Variants in ZNF536 observed in about 807,000 individuals in gnomAD.
ZNF536 encodes zinc finger protein 536.
A neutral mutation model predicts 84.5 loss-of-function variants in ZNF536; 13 were observed. The observed-to-expected ratio is 0.15, with a 90% CI of 0.10 to 0.24. The LOEUF is 0.24. Ranked by LOEUF, ZNF536 falls within the 10% of genes least tolerant of loss-of-function variation. The pLI, the probability that ZNF536 is intolerant of heterozygous loss-of-function variation, is 1.00. For missense variants in ZNF536, 1,536 were observed against 1,747.5 expected (o/e 0.88, Z 2.16); for synonymous variants, 811 against 742.5 (o/e 1.09, Z -1.50).
chr19:30,353,632 A>T (rs1600350252), intron 3 of ZNF536, among the ~76,000 whole-genome samples: 1 of 152,228 alleles, frequency 6.6e-6, no homozygotes, highest in South Asian at 2.1e-4. Context: ...CTGTTTGGCT[A>T]GTTCCTTCCA....
exon 2 of ZNF536, chr19:30,712,803 G>A (rs1310314572): frequency 6.6e-6 from 1 of 152,100 alleles, no homozygotes; most frequent in Non-Finnish European, 1.5e-5. Context: ...GGACTGAAAT[G>A]TTATTGAAAA....
chr19:30,288,484 G>C (rs530570584), intron 2 of ZNF536, among the ~76,000 whole-genome samples: 1 of 152,324 alleles, frequency 6.6e-6, no homozygotes, highest in East Asian at 1.9e-4. Flanking sequence ...TCAGTGATAA[G>C]AGTGGTCCAA....
At chr19:30,661,528 A>G (rs1359090018) in intron 1 of ZNF536, among the ~76,000 whole-genome samples, 1 of 152,232 alleles carries the variant, frequency 6.6e-6, no homozygotes, top group African/African-American at 2.4e-5. Flanking sequence ...TAAGTATCAA[A>G]TAGGTATAAA....
intron 2 of ZNF536, among the ~76,000 whole-genome samples, chr19:30,501,428 G>A (rs990921400): frequency 1.4e-4 from 21 of 152,196 alleles, no homozygotes; most frequent in African/African-American, 5.1e-4. Context: ...AATGGAAAAT[G>A]TTGGCTGTTA....
intron 1 of ZNF536, among the ~76,000 whole-genome samples, chr19:30,623,030 T>TC (rs1395688937): frequency 2.9e-5 from 4 of 139,350 alleles, no homozygotes; most frequent in African/African-American, 1.1e-4. Context: ...GTTTTTTTTT[T>TC]TGTTTTTTTG....
In ZNF536 at chr19:30,548,385, G is replaced by A. The variant is rs1332177135; in HGVS notation, c.2766G>A (p.Met922Ile). ...VNFQGSLQAFMDSFVLSSLKK... is the reference protein window; with the variant it reads ...VNFQGSLQAFIDSFVLSSLKK... ...TCCAAGGGTCCTTGCAAGCTTTCAT[G>A]GACAGTTTTGTCCTCAGTTCCTTGA... The change falls in exon 4 of 5, where the codon ATG (methionine) becomes ATA (isoleucine). Residue 922 changes from methionine (M) to isoleucine (I), a missense_variant. Met to Ile is a conservative substitution (Grantham distance 10). Around this residue, in one of 8 missense-constraint regions of ZNF536, gnomAD observed 624 missense variants for 603.1 expected, o/e 1.03. Coordinates refer to ENST00000355537, the MANE Select transcript of ZNF536 (RefSeq NM_014717.3). 1.2e-6 allele frequency: 2 copies of A among 1,614,068 alleles called. No individual in the cohort carries two copies. Among genetic ancestry groups the A allele is most frequent in the Non-Finnish European group, 1.7e-6 (2 of 1,180,020 alleles).
intron 1 of ZNF536, 58 bp from the exon 2 acceptor site, chr19:30,443,503 T>A: frequency 6.7e-7 from 1 of 1,497,466 alleles, no homozygotes; most frequent in Non-Finnish European, 8.9e-7. Flanking sequence ...CCAATGCTGT[T>A]GATTCATGGC....
intron 1 of ZNF536, among the ~76,000 whole-genome samples, chr19:30,264,930 CGTGTGTGTGT>C (rs71333450): frequency 1.5e-5 from 2 of 135,610 alleles, no homozygotes; most frequent in Admixed American, 1.5e-4. Flanking sequence ...TGTCAATAGT[CGTGTGTGTGT>C]GTGTGTGTGT....
chr19:30,276,633 A>C (rs1308961532), intron 1 of ZNF536, among the ~76,000 whole-genome samples: 1 of 152,192 alleles, frequency 6.6e-6, no homozygotes, highest in Non-Finnish European at 1.5e-5. Flanking sequence ...AGCTTTTGTA[A>C]TGTGTGGGTT....
intron 2 of ZNF536, among the ~76,000 whole-genome samples, chr19:30,291,055 A>T (rs1439145410): frequency 1.3e-5 from 2 of 152,172 alleles, no homozygotes; most frequent in Admixed American, 6.5e-5. Flanking sequence ...TCCATGGTGT[A>T]TATGCACCAC....
At chr19:30,339,845 G>A (rs1226668697) in intron 2 of ZNF536, among the ~76,000 whole-genome samples, 1 of 152,290 alleles carries the variant, frequency 6.6e-6, no homozygotes, top group East Asian at 1.9e-4. Flanking sequence ...GCCTTCTTCT[G>A]GAAGCAGGGT....
intron 1 of ZNF536, among the ~76,000 whole-genome samples, chr19:30,432,606 A>G (rs1210590786): frequency 6.6e-6 from 1 of 151,908 alleles, no homozygotes; most frequent in African/African-American, 2.4e-5. Context: ...CCTTTTTCCA[A>G]ACCCTACACT....
chr19:30,681,300 G>A (rs1360502934), intron 1 of ZNF536, among the ~76,000 whole-genome samples: 1 of 152,162 alleles, frequency 6.6e-6, no homozygotes, highest in Admixed American at 6.5e-5. Context: ...TGAGCGCCAG[G>A]CCTGTGCAAG....
At chr19:30,668,728 G>A (rs1408729665) in intron 1 of ZNF536, 1 of 152,318 alleles carries the variant, frequency 6.6e-6, no homozygotes, top group Non-Finnish European at 1.5e-5. Context: ...GCCATGTGAA[G>A]GGGCCGCGTG....
In ZNF536 at chr19:30,316,639, G is replaced by T. The variant is rs1221354347; in HGVS notation, c.-120+32498G>T. Among the ~76,000 whole-genome samples, 3 of 152,308 alleles carry T rather than the reference G, an allele frequency of 2.0e-5. No homozygotes were observed. In the East Asian group the frequency reaches 5.8e-4, roughly 29 times the overall value. On this transcript the variant is annotated intron_variant, in intron 2 of 5. Transcript: ENST00000585628. ...GGCTACAAAGACGAGGTACCAGGCA[G>T]TAGTCTGGGCATGAGAGGGTGAGGC...
chr19:30,366,406 C>CTCCT (rs1213471031), intron 3 of ZNF536, among the ~76,000 whole-genome samples: 2 of 140,402 alleles, frequency 1.4e-5, no homozygotes, highest in East Asian at 2.2e-4. Context: ...CTATATCTAT[C>CTCCT]TCCTTCCTTC....
intron 1 of ZNF536, among the ~76,000 whole-genome samples, chr19:30,281,976 A>C (rs1300909368): frequency 1.3e-5 from 2 of 152,160 alleles, no homozygotes; most frequent in Non-Finnish European, 2.9e-5. Context: ...TTATGTCTAA[A>C]TACAAGTCAC....
At chr19:30,539,194 C>T (rs2045221686) in intron 3 of ZNF536, among the ~76,000 whole-genome samples, 1 of 152,040 alleles carries the variant, frequency 6.6e-6, no homozygotes, top group Non-Finnish European at 1.5e-5. Flanking sequence ...CTGAGAAGTC[C>T]TAAGATCCAA....
chr19:30,332,714 A>G (rs1422977089), intron 2 of ZNF536, among the ~76,000 whole-genome samples: 1 of 152,214 alleles, frequency 6.6e-6, no homozygotes, highest in Non-Finnish European at 1.5e-5. Flanking sequence ...TATGTGGGAA[A>G]GGGCCAAACC....
Sources: gnomAD v4.1 joint callset for allele counts (sites outside exome capture counted in the v4.1 genomes callset) on GRCh38, gnomAD v4.1.1 for gene constraint, gnomAD v4.1.1 regional missense constraint, MANE v1.5 for transcripts, NCBI Gene and HGNC (gene_info 2026-07-23, HGNC 2026-07-21) for gene names.